The following NPRL3 variants were observed in gnomAD, a reference collection of about 807,000 sequenced individuals.
NPRL3 encodes the protein GATOR1 complex protein NPRL3.
A neutral mutation model predicts 57.2 loss-of-function variants in NPRL3; 23 were observed. That is an observed-to-expected ratio of 0.40 (90% CI 0.29 to 0.57). NPRL3 has a LOEUF of 0.57. Among genes scored for constraint, NPRL3 ranks in the 20% least tolerant of loss-of-function variants. The probability of loss-of-function intolerance (pLI) is 0.42; values close to 1 mark genes in which losing one functional copy is unlikely to be tolerated. For missense variants in NPRL3, 691 were observed against 767.1 expected (o/e 0.90, Z 1.17); for synonymous variants, 333 against 321.1 (o/e 1.04, Z -0.39).
intron 3 of NPRL3, among the ~76,000 whole-genome samples, chr16:121,497 G>C (rs1157498929): frequency 6.6e-6 from 1 of 152,020 alleles, no homozygotes; most frequent in African/African-American, 2.4e-5. Flanking sequence ...AGTGAAGCCT[G>C]TAGTCCCAGC....
intron 7 of NPRL3, among the ~76,000 whole-genome samples, chr16:102,108 C>T (rs546798475): frequency 6.6e-6 from 1 of 152,184 alleles, no homozygotes; most frequent in Non-Finnish European, 1.5e-5. Flanking sequence ...GCCCCAAGAA[C>T]AGGCTCCACA....
intron 3 of NPRL3, among the ~76,000 whole-genome samples, chr16:124,349 T>C (rs1034565116): frequency 1.4e-5 from 2 of 143,642 alleles, no homozygotes; most frequent in Non-Finnish European, 3.0e-5. Flanking sequence ...TTTTCTTTTC[T>C]TTTTTTTTTT....
chr16:85,750 A>C lies in NPRL3; in HGVS notation c.*955T>G. The C allele has an allele frequency of 6.6e-7, 1 of 1,512,956 alleles. No homozygotes were observed. The highest frequency in any genetic ancestry group is 8.9e-7 in the Non-Finnish European group (1 of 1,129,774). The allele number at this position is 1,512,956 out of a possible 1,614,324, so 93.7% of individuals were successfully genotyped here. A position where few individuals can be genotyped will look rare whatever the true frequency, so the allele number is the denominator to read the frequency against. ...GCCCCTGGGTCAGTGTGGTCGACAG[A>C]GTGGCTGAGCAGGACACACAGGCCT... On this transcript the variant is annotated 3_prime_UTR_variant, in exon 14 of 14. Transcript: ENST00000611875.
rs1386366858 is a variant in NPRL3 at position 98,214 on chromosome 16, C to A, written c.855G>T (p.Val285=). 1.2e-6 allele frequency: 2 copies of A among 1,613,872 alleles called. No homozygotes were observed. The highest frequency in any genetic ancestry group is 1.1e-5 in the South Asian group (1 of 91,092). The change falls in exon 9 of 14, where the codon GTG becomes GTT. Residue 285 remains valine (V), a synonymous_variant. Transcript: ENST00000611875. ...TCTTCACAGCAGATGTGGTCTTGAT[C>A]ACCCGCACTAGGGCAGGGGAGCAGT... ...PIDCSPALVR[V]IKTTSAVKNL... is the part of the protein sequence containing the mutation.
At chr16:98,590 C>T (rs999286414) in intron 8 of NPRL3, among the ~76,000 whole-genome samples, 1 of 152,312 alleles carries the variant, frequency 6.6e-6, no homozygotes, top group Middle Eastern at 3.4e-3. Flanking sequence ...CCCTTAACTG[C>T]GGAGAGAAGG....
intron 13 of NPRL3, among the ~76,000 whole-genome samples, chr16:88,048 T>C (rs1596494192): frequency 6.6e-6 from 1 of 152,068 alleles, no homozygotes; most frequent in East Asian, 1.9e-4. Flanking sequence ...GGAAACTCAG[T>C]CCCTGACAAC....
chr16:134,997 G>A (rs139129380), intron 2 of NPRL3, among the ~76,000 whole-genome samples: 49 of 152,144 alleles, frequency 3.2e-4, no homozygotes, highest in Admixed American at 1.9e-3. Context: ...CACCGCGCCC[G>A]GCCAAGTCAC....
intron 8 of NPRL3, 103 bp from the exon 9 acceptor site, chr16:98,404 C>CTGCACCAGGTATGCACCGGGTA (rs912136100): frequency 9.2e-6 from 12 of 1,297,804 alleles, no homozygotes; most frequent in African/African-American, 3.3e-5. Context: ...GCACCAGGTC[C>CTGCACCAGGTATGCACCGGGTA]TGCACCAGGT....
At chr16:98,356 G>A (rs1567133568) in intron 8 of NPRL3, 55 bp from the exon 9 acceptor site, 6 of 1,568,058 alleles carry the variant, frequency 3.8e-6, no homozygotes, top group Non-Finnish European at 4.3e-6. Context: ...CCTGCACCGG[G>A]TATGCACCAG....
At chr16:87,900 A>C in intron 13 of NPRL3, among the ~76,000 whole-genome samples, 1 of 141,226 alleles carries the variant, frequency 7.1e-6, no homozygotes, top group Admixed American at 7.2e-5. Flanking sequence ...TGTCACCATC[A>C]TTTGGAAGGT....
chr16:88,023 G>C (rs1439800731), intron 13 of NPRL3, among the ~76,000 whole-genome samples: 1 of 152,142 alleles, frequency 6.6e-6, no homozygotes, highest in Non-Finnish European at 1.5e-5. Flanking sequence ...CGAGGGCCGA[G>C]TGTGGTTCTC....
intron 2 of NPRL3, among the ~76,000 whole-genome samples, chr16:131,633 C>G (rs1900808804): frequency 6.8e-6 from 1 of 146,170 alleles, no homozygotes; most frequent in Non-Finnish European, 1.5e-5. Context: ...TAACAATCAG[C>G]TCAGCCTTCA....
intron 3 of NPRL3, among the ~76,000 whole-genome samples, chr16:121,716 C>T (rs1159725567): frequency 5.3e-5 from 8 of 152,124 alleles, no homozygotes; most frequent in Non-Finnish European, 8.8e-5. Flanking sequence ...CTGAGCAAAT[C>T]TGGCCCACAG....
At position 88,837 on chromosome 16, in the gene NPRL3, C is replaced by T. The variant is rs779369917; in HGVS notation, c.1405G>A (p.Glu469Lys). ...TSPSMDNSSA[E>K]LLPSGDSPLN... ...GGCGAGTCCCCGCTGGGAAGTAGCT[C>T]TGCGCTGGAGTTGTCCATGCTGGGG... is the stretch of plus-strand genomic sequence containing the variant. Residue 469 changes from glutamate to lysine, a missense_variant, in exon 13 of 14, where the codon GAG (glutamate) becomes AAG (lysine). Glu to Lys is a moderately conservative substitution (Grantham distance 56, BLOSUM62 1). Coordinates refer to ENST00000611875, the MANE Select transcript of NPRL3 (RefSeq NM_001077350.3). 6.2e-7 allele frequency: 1 copy of T among 1,613,874 alleles called. No homozygotes were observed.
At chr16:124,363 T>A (rs1353302839) in intron 3 of NPRL3, among the ~76,000 whole-genome samples, 2 of 151,994 alleles carry the variant, frequency 1.3e-5, no homozygotes, top group African/African-American at 4.8e-5. Flanking sequence ...TTTTTTTCCT[T>A]TTTTCTTTTT....
chr16:122,900 T>C (rs925220539), intron 3 of NPRL3, among the ~76,000 whole-genome samples: 15 of 152,284 alleles, frequency 9.9e-5, no homozygotes, highest in African/African-American at 3.6e-4. Flanking sequence ...ACAGACACTG[T>C]GTGTACCTCC....
rs186708182 is a variant in NPRL3, at chr16:112,910, G to A, written c.394-135C>T. On this transcript the variant is annotated intron_variant, in intron 5 of 13. Transcript: ENST00000611875. ...AAAGCGTCTCTACTCCTTTCCCCCA[G>A]GCTCCTTTGCAGAGGCCACTGCTGC... 824 of 860,608 alleles carry A rather than the reference G, an allele frequency of 9.6e-4. 1 individual carries two copies. The highest frequency in any genetic ancestry group is 1.2e-3 in the Non-Finnish European group (710 of 610,044). 53.3% of individuals were successfully genotyped at this position (860,608 alleles called of 1,614,324 possible).
At chr16:89,028 C>T (rs554432803) in intron 12 of NPRL3, 138 bp from the exon 13 acceptor site, 72 of 748,988 alleles carry the variant, frequency 9.6e-5, no homozygotes, top group African/African-American at 4.2e-4. Context: ...TGCAAGCATT[C>T]GCTGCTGCCC....
intron 2 of NPRL3, among the ~76,000 whole-genome samples, chr16:132,152 A>C (rs980924156): frequency 2.0e-5 from 3 of 151,974 alleles, no homozygotes; most frequent in African/African-American, 7.3e-5. Context: ...GACTACAGGC[A>C]TATGACACCC....
Sources: gnomAD v4.1 joint callset for allele counts (sites outside exome capture counted in the v4.1 genomes callset) on GRCh38, gnomAD v4.1.1 for gene constraint, MANE v1.5 for transcripts, NCBI Gene and HGNC (gene_info 2026-07-23, HGNC 2026-07-21) for gene names.